The following MYOZ1 variants were observed in gnomAD, a reference collection of about 807,000 sequenced individuals.
MYOZ1 encodes myozenin-1.
Under a neutral mutation model 28.7 loss-of-function variants are expected in MYOZ1, and 20 were observed. The ratio of observed to expected loss-of-function variants is 0.70; its 90% CI spans 0.49 to 1.01. The LOEUF is 1.01. MYOZ1 is among the 50% of genes least tolerant of loss of function. The pLI is 0.00. For missense variants in MYOZ1, 371 were observed against 372.4 expected (o/e 1.00, Z 0.03); for synonymous variants, 144 against 145.8 (o/e 0.99, Z 0.09).
chr10:73,634,455 A>G (rs749718368), intron 4 of MYOZ1, 29 bp downstream of exon 4: 25 of 1,612,068 alleles, frequency 1.6e-5, no homozygotes, highest in Non-Finnish European at 2.1e-5. Context: ...TAGGGACCAA[A>G]CACATTACTC....
At position 73,632,117 on chromosome 10, in the gene MYOZ1, ATGCG is replaced by A. The variant is rs1313536230; in HGVS notation, c.709_712del (p.Arg237Ter). Reference sequence around the variant, plus strand: ...GTCAAACTTGGGCATCTGGAAGGTCATGCGTTTGGAGGCCTTCTCATATCCACCA... The same window carrying A: ...GTCAAACTTGGGCATCTGGAAGGTCATTTGGAGGCCTTCTCATATCCACCA... On this transcript the variant is annotated frameshift_variant, in exon 6 of 6. Coordinates refer to ENST00000359322, the MANE Select transcript of MYOZ1 (RefSeq NM_021245.4). LOFTEE classifies it high-confidence loss of function. 6.2e-7 allele frequency: 1 copy of A among 1,614,234 alleles called. No individual in the cohort carries two copies. The highest frequency in any genetic ancestry group is 8.5e-7 in the Non-Finnish European group (1 of 1,180,024).
intron 3 of MYOZ1, among the ~76,000 whole-genome samples, chr10:73,636,306 C>A (rs1385326932): frequency 6.6e-6 from 1 of 152,146 alleles, no homozygotes; most frequent in African/African-American, 2.4e-5. Flanking sequence ...ACACCTGGGG[C>A]TTCTTAGGGA....
rs114942745 is a variant in MYOZ1 at position 73,633,765 on chromosome 10, C to T, written c.668+135G>A. 527 of 950,880 alleles carry T rather than the reference C, an allele frequency of 5.5e-4. No individual in the cohort carries two copies. In the African/African-American group the frequency reaches 7.8e-3, roughly 14 times the overall value. The allele number at this position is 950,880 out of a possible 1,614,324, so 58.9% of individuals were successfully genotyped here. A position where few individuals can be genotyped will look rare whatever the true frequency, so the allele number is the denominator to read the frequency against. ...CTGAGATAGAGTGAAAAGAGCAGGG[C>T]CTTTGATTAGGACCCCCATATCCCT... On this transcript the variant is annotated intron_variant, in intron 5 of 5. Transcript: ENST00000359322.
chr10:73,640,131 G>C, intron 1 of MYOZ1, 96 bp from the exon 2 acceptor site: 1 of 1,050,904 alleles, frequency 9.5e-7, no homozygotes, highest in Non-Finnish European at 1.4e-6. Context: ...GGGTTTAAGG[G>C]CTTGAGGGGA....
Position 73,631,996 on chromosome 10 carries a change from A to G in MYOZ1, c.834T>C (p.Ser278=), listed in dbSNP as rs779619433. ...CCACGTTGTAGTCTACAGGCTCCCCAGAGCTCAGCCAGGGAATAGGGGTTC... is the reference window on the plus strand; with the variant it reads ...CCACGTTGTAGTCTACAGGCTCCCCGGAGCTCAGCCAGGGAATAGGGGTTC... ...FNRTPIPWLS[S]GEPVDYNVDI... The change falls in exon 6 of 6, where the codon TCT becomes TCC. Residue 278 remains serine (S), a synonymous_variant. Transcript: ENST00000359322. The G allele has an allele frequency of 6.2e-7, 1 of 1,614,094 alleles. No homozygotes were observed. The highest frequency in any genetic ancestry group is 1.7e-5 in the Admixed American group (1 of 60,006).
At position 73,639,980 on chromosome 10, in the gene MYOZ1, C is replaced by A. The variant is rs927801482; in HGVS notation, c.38G>T (p.Arg13Met). 7 of 1,613,802 alleles carry A rather than the reference C, an allele frequency of 4.3e-6. No homozygotes were observed. In the African/African-American group the frequency reaches 8.0e-5, roughly 18 times the overall value. ...TTCCATGATCAGCTTGCTGGATTTC[C>A]TCTTCTTATTAGGGGCCGGGGTTCC... ...LSGTPAPNKKRKSSKLIMELT... is the reference protein window; with the variant it reads ...LSGTPAPNKKMKSSKLIMELT... The change falls in exon 2 of 6, where the codon AGG becomes ATG. Residue 13 changes from arginine to methionine, a missense_variant. Physicochemically the swap from Arg to Met is moderately conservative, Grantham distance 91 (BLOSUM62 -1). Transcript: ENST00000359322.
chr10:73,634,884 G>A (rs1564983828), intron 3 of MYOZ1, 151 bp from the exon 4 acceptor site: 4 of 870,264 alleles, frequency 4.6e-6, no homozygotes, highest in South Asian at 1.8e-5. Context: ...GTAGTACATG[G>A]GCTGACTAAG....
At position 73,634,729 on chromosome 10, in the gene MYOZ1, T is replaced by C; in HGVS notation, c.257A>G (p.His86Arg). The C allele has an allele frequency of 1.9e-6, 3 of 1,611,356 alleles. No individual in the cohort carries two copies. The highest frequency in any genetic ancestry group is 2.5e-6 in the Non-Finnish European group (3 of 1,177,726). Residue 86 changes from histidine (H) to arginine (R), a missense_variant, in exon 4 of 6, where the codon CAC (histidine) becomes CGC (arginine). Physicochemically the swap from His to Arg is conservative, Grantham distance 29. Coordinates refer to ENST00000359322, the MANE Select transcript of MYOZ1 (RefSeq NM_021245.4). Reference sequence around the variant, plus strand: ...CACTGTTGGAAGGAACTTCTGGAAGTGATCCTGAAAAGAAGACAAAGTGAG... The same window carrying C: ...CACTGTTGGAAGGAACTTCTGGAAGCGATCCTGAAAAGAAGACAAAGTGAG... ...PDVFSDSSMD[H>R]FQKFLPTVGG...
At chr10:73,632,672 T>A (rs557644075) in intron 5 of MYOZ1, among the ~76,000 whole-genome samples, 94 of 149,824 alleles carry the variant, frequency 6.3e-4, no homozygotes, top group South Asian at 1.7e-3. Context: ...TCATCCCAGC[T>A]ACTCAGGTGG....
At chr10:73,633,748 G>C in intron 5 of MYOZ1, 152 bp downstream of exon 5, 5 of 828,486 alleles carry the variant, frequency 6.0e-6, no homozygotes, top group Non-Finnish European at 7.2e-6. Context: ...AGCTGAGATA[G>C]AGTGAAAAGA....
chr10:73,631,861 C>G lies in MYOZ1; in HGVS notation c.*69G>C. ...ATACTGGATTAACAATGGGGGCTAT[C>G]TGCTCAGCATTCCCTCTCCAAATTG... is the stretch of plus-strand genomic sequence containing the variant. On this transcript the variant is annotated 3_prime_UTR_variant, in exon 6 of 6. Transcript: ENST00000359322. 7.4e-7 allele frequency: 1 copy of G among 1,343,288 alleles called. No individual in the cohort carries two copies. The highest frequency in any genetic ancestry group is 1.1e-6 in the Non-Finnish European group (1 of 943,096). 83.2% of individuals were successfully genotyped at this position (1,343,288 alleles called of 1,614,324 possible).
chr10:73,633,176 A>G (rs1001869546), intron 5 of MYOZ1, among the ~76,000 whole-genome samples: 1 of 152,008 alleles, frequency 6.6e-6, no homozygotes, highest in African/African-American at 2.4e-5. Context: ...GGGTGCCTAT[A>G]ATGCCAGCTA....
Position 73,634,630 on chromosome 10 carries a change from C to G in MYOZ1, c.356G>C (p.Gly119Ala), listed in dbSNP as rs772893553. ...KSNGRGGSQA[G>A]GSGSAGQYGS... is the part of the protein sequence containing the mutation. The stretch of plus-strand genomic sequence containing the variant: ...ATACTGTCCGGCAGAGCCACTGCCC[C>G]CTGCCTGGCTGCCGCCTCTGCCGTT... Residue 119 changes from glycine to alanine, a missense_variant, in exon 4 of 6, where the codon GGG (glycine) becomes GCG (alanine). Transcript: ENST00000359322. The G allele has an allele frequency of 1.9e-6, 3 of 1,614,216 alleles. No homozygotes were observed. The highest frequency in any genetic ancestry group is 3.3e-5 in the Admixed American group (2 of 60,022).
intron 1 of MYOZ1, among the ~76,000 whole-genome samples, 159 bp from the exon 2 acceptor site, chr10:73,640,194 G>C (rs778711515): frequency 6.6e-6 from 1 of 152,158 alleles, no homozygotes; most frequent in Non-Finnish European, 1.5e-5. Context: ...TGTCGCCCAG[G>C]CTGGAGTGCA....
At chr10:73,640,159 C>A (rs59504955) in intron 1 of MYOZ1, 124 bp from the exon 2 acceptor site, 1 of 669,986 alleles carries the variant, frequency 1.5e-6, no homozygotes. Context: ...ATTTTTTTTT[C>A]TTTTTTAGAG....
At chr10:73,637,312 G>C (rs1456398268) in intron 3 of MYOZ1, among the ~76,000 whole-genome samples, 1 of 151,828 alleles carries the variant, frequency 6.6e-6, no homozygotes, top group Non-Finnish European at 1.5e-5. Context: ...ACCATGCCTG[G>C]CTGCCTTATC....
intron 3 of MYOZ1, among the ~76,000 whole-genome samples, chr10:73,635,797 C>T (rs1329794602): frequency 1.3e-5 from 2 of 152,164 alleles, no homozygotes; most frequent in Non-Finnish European, 2.9e-5. Context: ...ACTCTCTTCT[C>T]TCTCCTTCTT....
intron 3 of MYOZ1, among the ~76,000 whole-genome samples, chr10:73,635,644 A>G (rs1396193108): frequency 6.6e-6 from 1 of 152,002 alleles, no homozygotes; most frequent in Admixed American, 6.6e-5. Context: ...TCAGCCTCCC[A>G]AAGTGCTGAG....
At chr10:73,636,239 CTT>C (rs2081666673) in intron 3 of MYOZ1, among the ~76,000 whole-genome samples, 1 of 152,164 alleles carries the variant, frequency 6.6e-6, no homozygotes, top group South Asian at 2.1e-4. Context: ...CCAGTCTCCT[CTT>C]TCTTTGGAGA....
Sources: allele counts gnomAD v4.1 joint callset (sites outside exome capture counted in the v4.1 genomes callset), GRCh38; gene constraint gnomAD v4.1.1; transcripts MANE v1.5; gene names NCBI Gene and HGNC (gene_info 2026-07-23, HGNC 2026-07-21).